Variants in ZNFX1 observed in about 807,000 individuals in gnomAD.
ZNFX1 encodes NFX1-type zinc finger-containing protein 1.
In ZNFX1, 78 loss-of-function variants were observed where a neutral mutation model predicts 179.8. That is an observed-to-expected ratio of 0.43 (90% CI 0.36 to 0.52). ZNFX1 has a LOEUF of 0.52. Ranked by LOEUF, ZNFX1 falls within the 20% of genes least tolerant of loss-of-function variation. The pLI, the probability that ZNFX1 is intolerant of heterozygous loss-of-function variation, is 0.00. For missense variants in ZNFX1, 1,927 were observed against 2,386.6 expected (o/e 0.81, Z 4.01); for synonymous variants, 848 against 868.5 (o/e 0.98, Z 0.42).
chr20:49,258,791 G>A (rs1285087984), intron 7 of ZNFX1, among the ~76,000 whole-genome samples: 1 of 150,918 alleles, frequency 6.6e-6, no homozygotes, highest in African/African-American at 2.4e-5. Context: ...GGGCAACAGA[G>A]TGAGACTCCA....
Position 49,269,933 on chromosome 20 carries a change from T to G in ZNFX1, c.1870+9A>C. 6 of 1,574,100 alleles carry G rather than the reference T, an allele frequency of 3.8e-6. No homozygotes were observed. Among genetic ancestry groups the G allele is most frequent in the Non-Finnish European group, 5.2e-6 (6 of 1,163,386 alleles). ...CAGATCTTATGTACTCTAAAAAATTTTGTCTTACCTGTTCCAGGAGGTCCT... is the reference window on the plus strand; with the variant it reads ...CAGATCTTATGTACTCTAAAAAATTGTGTCTTACCTGTTCCAGGAGGTCCT... On this transcript the variant is annotated intron_variant, in intron 3 of 13. Coordinates refer to ENST00000396105, the MANE Select transcript of ZNFX1 (RefSeq NM_021035.3).
rs756973466 is a variant in ZNFX1, at chr20:49,252,801, C to A, written c.3135G>T (p.Leu1045=). 12 of 1,614,082 alleles carry A rather than the reference C, an allele frequency of 7.4e-6. No homozygotes were observed. Among genetic ancestry groups the A allele is most frequent in the Non-Finnish European group, 1.0e-5 (12 of 1,179,996 alleles). The part of the protein sequence containing the change: ...QLRPSANVYD[L]AKNFNLEVSL... Reference sequence around the variant, plus strand: ...ACACCTCAAGGTTGAAGTTCTTGGCCAGATCATACACGTTGGCACTGGGGC... The same window carrying A: ...ACACCTCAAGGTTGAAGTTCTTGGCAAGATCATACACGTTGGCACTGGGGC... The change falls in exon 12 of 14, where the codon CTG becomes CTT. Residue 1045 remains leucine (L), a synonymous_variant. Transcript: ENST00000396105.
intron 13 of ZNFX1, 138 bp downstream of exon 13, chr20:49,251,389 C>G (rs1025868351): frequency 1.3e-4 from 79 of 608,172 alleles, no homozygotes; most frequent in African/African-American, 1.1e-3. Flanking sequence ...GATCTGCCCA[C>G]CTCAGCTTCC....
intron 13 of ZNFX1, 38 bp from the exon 14 acceptor site, chr20:49,249,749 T>C (rs1428705284): frequency 6.4e-7 from 1 of 1,566,550 alleles, no homozygotes; most frequent in African/African-American, 1.4e-5. Context: ...AAAGGTTCAC[T>C]CATGGCACTT....
chr20:49,248,900 G>C lies in ZNFX1; in HGVS notation c.4124C>G (p.Pro1375Arg). 1 of 1,614,250 alleles carries C rather than the reference G, an allele frequency of 6.2e-7. No homozygotes were observed. Residue 1375 changes from proline to arginine, a missense_variant, in exon 14 of 14, where the codon CCT becomes CGT. Physicochemically the swap from Pro to Arg is moderately radical, Grantham distance 103. Coordinates refer to ENST00000396105, the MANE Select transcript of ZNFX1 (RefSeq NM_021035.3). This position sits in a 1 kb window ranked among gnomAD's most constrained non-coding sequence, Gnocchi z 4.6. ...CCCACATCTCAGAGACTTGGAGCAA[G>C]GCTCCTGGCAGCAGAAATCTGACTC... ...VPESDFCCQEPCSKSLRCGHR... is the reference protein window; with the variant it reads ...VPESDFCCQERCSKSLRCGHR...
chr20:49,252,668 C>A, intron 12 of ZNFX1, 52 bp downstream of exon 12: 2 of 1,428,666 alleles, frequency 1.4e-6, no homozygotes, highest in Non-Finnish European at 2.0e-6. Flanking sequence ...CTGGCAGCTT[C>A]CCAGGAGCTT....
At chr20:49,261,373 C>T (rs1981107021) in intron 6 of ZNFX1, among the ~76,000 whole-genome samples, 1 of 152,130 alleles carries the variant, frequency 6.6e-6, no homozygotes. Context: ...GAATACTATG[C>T]AGCCATAAAA....
chr20:49,273,822 T>G (rs1051175161), intron 2 of ZNFX1, among the ~76,000 whole-genome samples: 1 of 152,014 alleles, frequency 6.6e-6, no homozygotes, highest in Non-Finnish European at 1.5e-5. Context: ...CCCAGCTACT[T>G]GGGAGGCTGA....
chr20:49,253,104 G>T (rs566810622), intron 11 of ZNFX1, among the ~76,000 whole-genome samples: 46 of 152,314 alleles, frequency 3.0e-4, no homozygotes, highest in African/African-American at 1.1e-3. Flanking sequence ...GAAGTTGCCA[G>T]TTCTTCAGTC....
chr20:49,270,464 A>G lies in ZNFX1; in HGVS notation c.1348T>C (p.Tyr450His). The change falls in exon 3 of 14, where the codon TAT (tyrosine) becomes CAT (histidine). Residue 450 changes from tyrosine to histidine, a missense_variant. Transcript: ENST00000396105. The surrounding 1 kb of genome is among the most constrained non-coding windows in gnomAD (Gnocchi z 4.6). ...VRWQNSKRLLYGSLVCMSKDN... is the reference protein window; with the variant it reads ...VRWQNSKRLLHGSLVCMSKDN... ...TTGGACATGCATACCAAAGACCCAT[A>G]GAGCAATCGTTTGGAATTCTGCCAG... 6.2e-7 allele frequency: 1 copy of G among 1,614,238 alleles called. No homozygotes were observed. Among genetic ancestry groups the G allele is most frequent in the South Asian group, 1.1e-5 (1 of 91,092 alleles).
intron 3 of ZNFX1, among the ~76,000 whole-genome samples, chr20:49,266,588 A>C (rs1006192429): frequency 8.6e-6 from 1 of 115,784 alleles, no homozygotes; most frequent in Non-Finnish European, 1.9e-5. Flanking sequence ...AATTTTTACC[A>C]TTCTACATCT....
At position 49,253,714 on chromosome 20, in the gene ZNFX1, T is replaced by C; in HGVS notation, c.3057A>G (p.Thr1019=). 4 of 1,614,242 alleles carry C rather than the reference T, an allele frequency of 2.5e-6. No individual in the cohort carries two copies. The highest frequency in any genetic ancestry group is 3.4e-6 in the Non-Finnish European group (4 of 1,180,040). ...TGAGGTGCTGGCAAGCTTTGCTCAA[T>C]GTGGCAATGGTATGGGCCTCAAGGA... ...AEVLEAHTIA[T]LSKACQHLIL... is the part of the protein sequence containing the mutation. The change falls in exon 11 of 14, where the codon ACA becomes ACG. Residue 1019 remains threonine, a synonymous_variant. Transcript: ENST00000396105.
At position 49,270,501 on chromosome 20, in the gene ZNFX1, C is replaced by G. The variant is rs747060918; in HGVS notation, c.1311G>C (p.Leu437=). 1 of 1,614,120 alleles carries G rather than the reference C, an allele frequency of 6.2e-7. No homozygotes were observed. The highest frequency in any genetic ancestry group is 1.7e-5 in the Admixed American group (1 of 60,012). ...TGGAATTCTGCCAGCGAACAAACTTCAGTGGTTTTGTGTCAAACTGCACCT... is the reference window on the plus strand; with the variant it reads ...TGGAATTCTGCCAGCGAACAAACTTGAGTGGTTTTGTGTCAAACTGCACCT... ...VYKVQFDTKP[L]KFVRWQNSKR... Residue 437 remains leucine (L), a synonymous_variant, in exon 3 of 14, where the codon CTG becomes CTC. Coordinates refer to ENST00000396105, the MANE Select transcript of ZNFX1 (RefSeq NM_021035.3). The surrounding 1 kb of genome is among the most constrained non-coding windows in gnomAD (Gnocchi z 4.6).
In ZNFX1 at chr20:49,271,419, G is replaced by T. The variant is rs771211832; in HGVS notation, c.393C>A (p.His131Gln). The stretch of plus-strand genomic sequence containing the variant: ...GCTGTGGCTGTTCTGTAGGCTTCTG[G>T]TGGGGAGTCCGCCACTGCTGGAAGT... ...NDNFQQWRTPHQKPTEQPQQA... is the reference protein window; with the variant it reads ...NDNFQQWRTPQQKPTEQPQQA... Residue 131 changes from histidine to glutamine, a missense_variant, in exon 3 of 14, where the codon CAC becomes CAA. Transcript: ENST00000396105. The T allele has an allele frequency of 8.7e-6, 14 of 1,614,046 alleles. No individual in the cohort carries two copies. Among genetic ancestry groups the T allele is most frequent in the Non-Finnish European group, 1.2e-5 (14 of 1,180,032 alleles).
At chr20:49,257,375 G>C (rs1338607060) in intron 8 of ZNFX1, 42 bp downstream of exon 8, 1 of 1,609,150 alleles carries the variant, frequency 6.2e-7, no homozygotes, top group Non-Finnish European at 8.5e-7. Context: ...CAAGCGGTCA[G>C]AACACTCTCA....
chr20:49,260,426 G>T (rs762870089), intron 7 of ZNFX1, 37 bp downstream of exon 7: 1 of 1,430,346 alleles, frequency 7.0e-7, no homozygotes, highest in Non-Finnish European at 9.7e-7. Flanking sequence ...TATATTCTAC[G>T]TTAAGATTTG....
intron 13 of ZNFX1, among the ~76,000 whole-genome samples, chr20:49,250,677 A>C (rs1431977104): frequency 6.6e-6 from 1 of 151,962 alleles, no homozygotes; most frequent in Non-Finnish European, 1.5e-5. Context: ...TCAGCCTCCC[A>C]AGTAGCTGGG....
At chr20:49,251,188 A>G (rs910866680) in intron 13 of ZNFX1, among the ~76,000 whole-genome samples, 5 of 151,558 alleles carry the variant, frequency 3.3e-5, no homozygotes, top group Admixed American at 3.3e-4. Context: ...CCCAGCCTGG[A>G]GTGCAGTAGC....
chr20:49,248,977 G>C lies in ZNFX1; in HGVS notation c.4047C>G (p.Pro1349=), dbSNP rs760611941. The C allele has an allele frequency of 1.2e-6, 2 of 1,614,180 alleles. No individual in the cohort carries two copies. The highest frequency in any genetic ancestry group is 1.7e-6 in the Non-Finnish European group (2 of 1,180,018). Residue 1349 remains proline, a synonymous_variant, in exon 14 of 14, where the codon CCC becomes CCG. Transcript: ENST00000396105. The surrounding 1 kb of genome is among the most constrained non-coding windows in gnomAD (Gnocchi z 4.6). ...CATGGCCGCACCGAGGAATGGTTTT[G>C]GGCACCTTCACCTGACAAGGCTGAC... is the stretch of plus-strand genomic sequence containing the variant. ...QECQPCQVKV[P]KTIPRCGHEQ...
Sources: allele counts gnomAD v4.1 joint callset (sites outside exome capture counted in the v4.1 genomes callset), GRCh38; gene constraint gnomAD v4.1.1; non-coding constraint Gnocchi (gnomAD v3.1); transcripts MANE v1.5; gene names NCBI Gene and HGNC (gene_info 2026-07-23, HGNC 2026-07-21).